The following FHIP1A variants were observed in gnomAD, a reference collection of about 807,000 sequenced individuals.
The protein encoded by FHIP1A is FHF complex subunit HOOK-interacting protein 1A.
A neutral mutation model predicts 88.6 loss-of-function variants in FHIP1A; 61 were observed. That is an observed-to-expected ratio of 0.69 (90% CI 0.56 to 0.85). The LOEUF (loss-of-function observed/expected upper bound fraction) is 0.85. Ranked by LOEUF, FHIP1A falls within the 40% of genes least tolerant of loss-of-function variation. The probability of loss-of-function intolerance (pLI) is 0.00; values close to 1 mark genes in which losing one functional copy is unlikely to be tolerated. For missense variants in FHIP1A, 1,154 were observed against 1,273.5 expected, an observed-to-expected ratio of 0.91 and a Z score of 1.43; for synonymous variants, 478 against 496.0, an observed-to-expected ratio of 0.96 and a Z score of 0.48.
chr4:151,558,771 C>T (rs1361002876), intron 3 of FHIP1A, among the ~76,000 whole-genome samples: 2 of 152,142 alleles, frequency 1.3e-5, no homozygotes, highest in Non-Finnish European at 2.9e-5. Flanking sequence ...ACCCTAGGGT[C>T]CCTCAGACCA....
intron 3 of FHIP1A, among the ~76,000 whole-genome samples, chr4:151,520,358 C>T (rs1731406564): frequency 6.6e-6 from 1 of 151,930 alleles, no homozygotes; most frequent in Non-Finnish European, 1.5e-5. Context: ...ATTGAAAATC[C>T]TGATTGTGTG....
intron 1 of FHIP1A, among the ~76,000 whole-genome samples, chr4:151,412,677 CTCTT>C (rs1388955373): frequency 1.7e-4 from 16 of 93,586 alleles, no homozygotes; most frequent in East Asian, 3.2e-4. Context: ...CTCTCTCTCT[CTCTT>C]TCTTTCTTTT....
intron 3 of FHIP1A, among the ~76,000 whole-genome samples, chr4:151,559,535 C>T (rs1249842811): frequency 3.3e-5 from 5 of 152,152 alleles, no homozygotes; most frequent in South Asian, 2.1e-4. Context: ...TTACACAAAT[C>T]GTGGCATACT....
At chr4:151,626,628 G>A (rs911429356) in intron 7 of FHIP1A, among the ~76,000 whole-genome samples, 8 of 152,096 alleles carry the variant, frequency 5.3e-5, no homozygotes, top group African/African-American at 1.4e-4. Context: ...TTATTATTGC[G>A]TATGATATGG....
At chr4:151,527,284 G>T (rs1023057017) in intron 3 of FHIP1A, among the ~76,000 whole-genome samples, 18 of 152,356 alleles carry the variant, frequency 1.2e-4, no homozygotes, top group African/African-American at 4.1e-4. Flanking sequence ...CACCTCGGGA[G>T]GCCGAGGCTG....
At chr4:151,512,036 C>A (rs1325748471) in intron 3 of FHIP1A, among the ~76,000 whole-genome samples, 1 of 152,332 alleles carries the variant, frequency 6.6e-6, no homozygotes, top group African/African-American at 2.4e-5. Flanking sequence ...GGAGGCACCC[C>A]CTAGTAGGGG....
In FHIP1A at chr4:151,645,907, G is replaced by A. The variant is rs183309440; in HGVS notation, c.1227-651G>A. Reference sequence around the variant, plus strand: ...CCAAAAGTGTTTTATGTGAAATGGGGCCCAGTGATCCTCAGTGAGTCATTT... The same window carrying A: ...CCAAAAGTGTTTTATGTGAAATGGGACCCAGTGATCCTCAGTGAGTCATTT... On this transcript the variant is annotated intron_variant, in intron 9 of 13. Transcript: ENST00000435205. Among the ~76,000 whole-genome samples the A allele has an allele frequency of 2.6e-5, 4 of 152,056 alleles. No individual in the cohort carries two copies. The East Asian group carries it at 7.7e-4, about 29-fold the overall frequency.
Position 151,629,874 on chromosome 4 carries a change from G to C in FHIP1A, c.1146+5G>C, listed in dbSNP as rs1346365517. The C allele has an allele frequency of 2.6e-6, 4 of 1,550,016 alleles. No homozygotes were observed. The East Asian group carries it at 9.8e-5, about 38-fold the overall frequency. On this transcript the variant is annotated splice_donor_5th_base_variant and intron_variant, in intron 8 of 13. Transcript: ENST00000435205. ...CGAATCAACACCCCGTTTCGGGTAAGGAGAGCGCCAGAGGAAGGGAACTTA... is the reference window on the plus strand; with the variant it reads ...CGAATCAACACCCCGTTTCGGGTAACGAGAGCGCCAGAGGAAGGGAACTTA...
chr4:151,419,421 TATA>T (rs762796172), intron 1 of FHIP1A, among the ~76,000 whole-genome samples: 16 of 152,162 alleles, frequency 1.1e-4, no homozygotes, highest in Admixed American at 4.6e-4. Flanking sequence ...GCCACTTCCT[TATA>T]ATAAGTCTCT....
At chr4:151,446,875 G>C (rs1728629460) in intron 1 of FHIP1A, among the ~76,000 whole-genome samples, 1 of 152,098 alleles carries the variant, frequency 6.6e-6, no homozygotes, top group Non-Finnish European at 1.5e-5. Context: ...AGGCTGGCCA[G>C]CACTTGAGGA....
At position 151,665,111 on chromosome 4, in the gene FHIP1A, A is replaced by G. The variant is rs1020911285; in HGVS notation, c.*2357A>G. Among the ~76,000 whole-genome samples the G allele has an allele frequency of 2.0e-5, 3 of 152,056 alleles. No homozygotes were observed. The highest frequency in any genetic ancestry group is 7.2e-5 in the African/African-American group (3 of 41,406). On this transcript the variant is annotated 3_prime_UTR_variant, in exon 14 of 14. Coordinates refer to ENST00000435205, the MANE Select transcript of FHIP1A (RefSeq NM_001109977.3). ...CACCTCAGCCTTCCGAGTAGCTGGG[A>G]ATATAGGAACGTGCCACCACACCCA...
intron 7 of FHIP1A, among the ~76,000 whole-genome samples, chr4:151,607,052 G>A (rs1353249087): frequency 1.3e-5 from 2 of 152,126 alleles, no homozygotes; most frequent in Non-Finnish European, 2.9e-5. Flanking sequence ...TCTTAAACTT[G>A]GCAGGAAAGC....
At chr4:151,608,336 C>T (rs531358195) in intron 7 of FHIP1A, among the ~76,000 whole-genome samples, 4 of 152,194 alleles carry the variant, frequency 2.6e-5, no homozygotes, top group Middle Eastern at 3.4e-3. Flanking sequence ...TGAGGCACCA[C>T]GTCCGACCCC....
intron 7 of FHIP1A, among the ~76,000 whole-genome samples, chr4:151,613,274 C>T (rs1735393867): frequency 6.6e-6 from 1 of 152,222 alleles, no homozygotes; most frequent in Non-Finnish European, 1.5e-5. Context: ...GAATGTACAG[C>T]ATTCTACTAT....
rs1344711284 is a variant in FHIP1A, at chr4:151,629,807, C to T, written c.1084C>T (p.His362Tyr). The change falls in exon 8 of 14, where the codon CAC (histidine) becomes TAC (tyrosine). Residue 362 changes from histidine to tyrosine, a missense_variant. Physicochemically the swap from His to Tyr is moderately conservative, Grantham distance 83 (BLOSUM62 2). Transcript: ENST00000435205. ...GATCTTCCTCCGTTTTATCCTATTG[C>T]ACCAGCACGAGAATGTCCACATCCT... ...LEIFLRFILL[H>Y]QHENVHILDT... is the part of the protein sequence containing the mutation. 3 of 1,551,416 alleles carry T rather than the reference C, an allele frequency of 1.9e-6. No individual in the cohort carries two copies. The highest frequency in any genetic ancestry group is 2.6e-6 in the Non-Finnish European group (3 of 1,146,800).
rs1039056760 is a variant in FHIP1A, at chr4:151,566,348, A to G, written c.89A>G (p.Lys30Arg). Reference protein sequence around the residue: ...VDPETCMIVFKNHWAQVVKIL... With the variant: ...VDPETCMIVFRNHWAQVVKIL... ...CCAGAAACATGCATGATTGTATTTA[A>G]AAACCACTGGGCACAGGTAATGTAT... The change falls in exon 4 of 14, where the codon AAA becomes AGA. Residue 30 changes from lysine to arginine, a missense_variant. Coordinates refer to ENST00000435205, the MANE Select transcript of FHIP1A (RefSeq NM_001109977.3). The G allele has an allele frequency of 1.3e-6, 2 of 1,548,296 alleles. No individual in the cohort carries two copies. Among genetic ancestry groups the G allele is most frequent in the African/African-American group, 2.7e-5 (2 of 72,932 alleles).
chr4:151,657,527 G>T (rs1254073685), intron 13 of FHIP1A, among the ~76,000 whole-genome samples: 5 of 152,144 alleles, frequency 3.3e-5, no homozygotes, highest in Admixed American at 1.3e-4. Context: ...CGCTGAGGAT[G>T]GCTGGCCAGG....
At chr4:151,567,766 G>A (rs559688815) in intron 4 of FHIP1A, among the ~76,000 whole-genome samples, 48 of 152,124 alleles carry the variant, frequency 3.2e-4, no homozygotes, top group Middle Eastern at 3.4e-3. Flanking sequence ...GTATATTAGT[G>A]TCTGTATGAT....
intron 1 of FHIP1A, among the ~76,000 whole-genome samples, chr4:151,425,594 A>G (rs1382258995): frequency 6.6e-6 from 1 of 152,228 alleles, no homozygotes; most frequent in Non-Finnish European, 1.5e-5. Flanking sequence ...ATTATATGAT[A>G]CTGTATTAGT....
Sources: allele counts gnomAD v4.1 joint callset (sites outside exome capture counted in the v4.1 genomes callset), GRCh38; gene constraint gnomAD v4.1.1; transcripts MANE v1.5; gene names NCBI Gene and HGNC (gene_info 2026-07-23, HGNC 2026-07-21).